SYNE2: variants seen among roughly 807,000 people sequenced by gnomAD.
SYNE2 encodes the protein nesprin-2.
SYNE2 carries 431 observed loss-of-function variants against 856.3 expected under a neutral mutation model. That is an observed-to-expected ratio of 0.50 (90% CI 0.47 to 0.55). The LOEUF is 0.55. SYNE2 is among the 20% of genes least tolerant of loss of function. The pLI, the probability that SYNE2 is intolerant of heterozygous loss-of-function variation, is 0.00. For missense variants in SYNE2, 8,129 were observed against 8,023.2 expected (o/e 1.01, Z -0.50); for synonymous variants, 2,923 against 2,872.3 (o/e 1.02, Z -0.56).
At chr14:63,903,607 G>A (rs2153334510) in intron 1 of SYNE2, among the ~76,000 whole-genome samples, 1 of 152,238 alleles carries the variant, frequency 6.6e-6, no homozygotes, top group African/African-American at 2.4e-5. Context: ...AGGACTATAG[G>A]CATGTGCCTG....
chr14:63,784,328 T>TA (rs202081650), intron 1 of SYNE2, among the ~76,000 whole-genome samples: 58,426 of 146,762 alleles, frequency 0.4, 12,735 homozygotes, highest in South Asian at 0.54. Flanking sequence ...CTGTCTCTAC[T>TA]AAAAAAAAAA....
chr14:64,056,072 A>G lies in SYNE2; in HGVS notation c.9873A>G (p.Glu3291=), dbSNP rs747745836. The change falls in exon 49 of 116, where the codon GAA becomes GAG. Residue 3291 remains glutamate, a synonymous_variant. Coordinates refer to ENST00000555002, the MANE Select transcript of SYNE2 (RefSeq NM_182914.3). ...PYRVDVGNPE[E]SLEMPLRKQE... Reference sequence around the variant, plus strand: ...GAGTAGATGTTGGTAATCCAGAAGAATCTTTAGAGATGCCTCTTCGAAAAC... The same window carrying G: ...GAGTAGATGTTGGTAATCCAGAAGAGTCTTTAGAGATGCCTCTTCGAAAAC... 1.2e-6 allele frequency: 2 copies of G among 1,614,176 alleles called. No individual in the cohort carries two copies. The highest frequency in any genetic ancestry group is 8.5e-7 in the Non-Finnish European group (1 of 1,180,006).
intron 63 of SYNE2, 125 bp from the exon 64 acceptor site, chr14:64,101,807 A>G (rs2097732124): frequency 2.8e-6 from 2 of 723,858 alleles, no homozygotes; most frequent in Admixed American, 2.0e-5. Context: ...GAGGACTGCA[A>G]TAAAGGGCTG....
In SYNE2 at chr14:64,167,289, G is replaced by C; in HGVS notation, c.16662G>C (p.Val5554=). The change falls in exon 91 of 116, where the codon GTG becomes GTC. Residue 5554 remains valine (V), a synonymous_variant. Transcript: ENST00000555002. ...CTGATATTGAACATTTGAATGAAGT[G>C]AGCCTCAAGCTCCCACTTAGTGACG... ...QSPDIEHLNE[V]SLKLPLSDVA... The C allele has an allele frequency of 6.2e-7, 1 of 1,614,222 alleles. No individual in the cohort carries two copies.
intron 1 of SYNE2, among the ~76,000 whole-genome samples, chr14:63,815,113 T>TATG (rs1335097324): frequency 9.5e-6 from 1 of 105,774 alleles, no homozygotes; most frequent in African/African-American, 3.4e-5. Context: ...CACACATATA[T>TATG]CCATATATAT....
chr14:64,114,320 C>T (rs1437615384), intron 66 of SYNE2, among the ~76,000 whole-genome samples: 2 of 152,176 alleles, frequency 1.3e-5, no homozygotes, highest in South Asian at 2.1e-4. Flanking sequence ...CAGGGGCACG[C>T]GAGCTGCTTG....
rs779254549 is a variant in SYNE2 at position 64,053,432 on chromosome 14, G to A, written c.9519G>A (p.Gln3173=). 11 of 1,612,944 alleles carry A rather than the reference G, an allele frequency of 6.8e-6. No individual in the cohort carries two copies. The highest frequency in any genetic ancestry group is 4.4e-5 in the South Asian group (4 of 90,644). The stretch of plus-strand genomic sequence containing the variant: ...TAAATCAGATAAAATCTCAATTACA[G>A]CAGCCATTACTTATAAATTTGGAAA... The part of the protein sequence containing the change: ...HVLNQIKSQL[Q]QPLLINLEIK... The change falls in exon 48 of 116, where the codon CAG becomes CAA. Residue 3173 remains glutamine, a synonymous_variant. Coordinates refer to ENST00000555002, the MANE Select transcript of SYNE2 (RefSeq NM_182914.3).
chr14:63,878,053 T>C (rs982098095), intron 1 of SYNE2, among the ~76,000 whole-genome samples: 5 of 151,852 alleles, frequency 3.3e-5, no homozygotes, highest in Non-Finnish European at 7.4e-5. Flanking sequence ...CCACACCTGG[T>C]TAATTTTTTT....
At chr14:64,073,178 G>A (rs900059333) in intron 52 of SYNE2, among the ~76,000 whole-genome samples, 3 of 152,160 alleles carry the variant, frequency 2.0e-5, no homozygotes, top group Non-Finnish European at 4.4e-5. Context: ...CTCCCCCAGA[G>A]GTTGGGGGTG....
chr14:63,867,381 TA>T (rs561880955), intron 1 of SYNE2, among the ~76,000 whole-genome samples: 244 of 129,456 alleles, frequency 1.9e-3, no homozygotes, highest in African/African-American at 3.2e-3. Flanking sequence ...TTCCTCCTCT[TA>T]AAAAAAAAAA....
At position 63,976,601 on chromosome 14, in the gene SYNE2, C is replaced by T. The variant is rs1356023023; in HGVS notation, c.1167C>T (p.Pro389=). The change falls in exon 12 of 116, where the codon CCC becomes CCT. Residue 389 remains proline (P), a synonymous_variant. Transcript: ENST00000555002. The stretch of plus-strand genomic sequence containing the variant: ...AAATAAAGCTAAATTATGCCTTGCC[C>T]CCACCCCTCCATCAAACTGAAGCTT... ...AWKIKLNYAL[P]PPLHQTEAWL... is the part of the protein sequence containing the mutation. 6.2e-7 allele frequency: 1 copy of T among 1,610,704 alleles called. No homozygotes were observed. The highest frequency in any genetic ancestry group is 1.4e-5 in the African/African-American group (1 of 73,828).
chr14:64,160,961 G>C (rs2098324786), intron 87 of SYNE2, among the ~76,000 whole-genome samples: 1 of 150,272 alleles, frequency 6.7e-6, no homozygotes, highest in East Asian at 1.9e-4. Context: ...AGGAAACAAA[G>C]AAAAAAAAAC....
intron 99 of SYNE2, among the ~76,000 whole-genome samples, chr14:64,194,302 T>C (rs72720368): frequency 1.1e-5 from 1 of 88,086 alleles, no homozygotes; most frequent in Non-Finnish European, 2.2e-5. Context: ...TTTTCTTCTT[T>C]TTTTTTTTGA....
chr14:64,016,320 C>T (rs370400755), intron 32 of SYNE2, among the ~76,000 whole-genome samples, 153 bp from the exon 33 acceptor site: 12 of 151,644 alleles, frequency 7.9e-5, no homozygotes, highest in African/African-American at 1.2e-4. Flanking sequence ...GAAAGTGGGA[C>T]GATAAAAACG....
At chr14:63,763,257 C>T (rs1162813220) in intron 1 of SYNE2, among the ~76,000 whole-genome samples, 1 of 152,208 alleles carries the variant, frequency 6.6e-6, no homozygotes, top group Non-Finnish European at 1.5e-5. Context: ...CATGAGCCAC[C>T]ACGCCTGGCC....
At chr14:64,136,281 C>A (rs565091477) in intron 78 of SYNE2, among the ~76,000 whole-genome samples, 2 of 108,968 alleles carry the variant, frequency 1.8e-5, no homozygotes, top group South Asian at 3.2e-4. Context: ...CAGAGCGAGA[C>A]TTCATCTCAA....
rs377493238 is a variant in SYNE2 at position 63,990,526 on chromosome 14, C to G, written c.2429C>G (p.Thr810Ser). 1.7e-5 allele frequency: 28 copies of G among 1,613,782 alleles called. No individual in the cohort carries two copies. Among genetic ancestry groups the G allele is most frequent in the Non-Finnish European group, 2.3e-5 (27 of 1,179,934 alleles). ...SQESFQHVLT[T>S]GLQAKIQEAK... is the part of the protein sequence containing the mutation. Reference sequence around the variant, plus strand: ...GAGTCCTTTCAACATGTTCTCACAACTGGGCTTCAGGCAAAGATTCAAGAA... The same window carrying G: ...GAGTCCTTTCAACATGTTCTCACAAGTGGGCTTCAGGCAAAGATTCAAGAA... Residue 810 changes from threonine (T) to serine (S), a missense_variant, in exon 20 of 116, where the codon ACT (threonine) becomes AGT (serine). Transcript: ENST00000555002.
At chr14:63,806,237 T>A (rs1333835991) in intron 1 of SYNE2, among the ~76,000 whole-genome samples, 3 of 152,204 alleles carry the variant, frequency 2.0e-5, no homozygotes, top group Admixed American at 1.3e-4. Flanking sequence ...GTTGAGATGA[T>A]CGTGTGGTTT....
At chr14:64,103,455 A>G (rs1293514483) in intron 64 of SYNE2, among the ~76,000 whole-genome samples, 2 of 151,906 alleles carry the variant, frequency 1.3e-5, no homozygotes, top group Non-Finnish European at 1.5e-5. Context: ...CAGTCTCTCA[A>G]ATGGTCTCAC....
Sources: allele counts gnomAD v4.1 joint callset (sites outside exome capture counted in the v4.1 genomes callset), GRCh38; gene constraint gnomAD v4.1.1; transcripts MANE v1.5; gene names NCBI Gene and HGNC (gene_info 2026-07-23, HGNC 2026-07-21).